Variants in HUWE1 observed in about 807,000 individuals in gnomAD.
HUWE1 encodes HECT, UBA and WWE domain containing E3 ubiquitin protein ligase 1, also known as E3 ubiquitin-protein ligase HUWE1.
A neutral mutation model predicts 299.4 loss-of-function variants in HUWE1; 18 were observed. That is an observed-to-expected ratio of 0.06 (90% CI 0.04 to 0.09). The LOEUF (loss-of-function observed/expected upper bound fraction) is 0.09. HUWE1 is among the 10% of genes least tolerant of loss of function. HUWE1 has a pLI of 1.00. For synonymous variants in HUWE1, 1,317 were observed against 1,286.1 expected (o/e 1.02, Z -0.51); for missense variants, 1,832 against 3,462.3 (o/e 0.53, Z 11.82).
Position 53,658,791 on chromosome X carries a change from T to C in HUWE1, c.-24-4660A>G, listed in dbSNP as rs2068866174. Among the ~76,000 whole-genome samples the C allele has an allele frequency of 1.8e-5, 2 of 112,248 alleles. 1 individual carries two copies. The highest frequency in any genetic ancestry group is 7.2e-4 in the South Asian group (2 of 2,761). On this transcript the variant is annotated intron_variant, in intron 3 of 83. Coordinates refer to ENST00000262854, the MANE Select transcript of HUWE1 (RefSeq NM_031407.7). ...AAAAGAATAAGTGGACAAGCCAGAC[T>C]GACAGAAAATATTTGCAAAAGACAT...
At chrX:53,610,065 G>A (rs2065362824) in intron 23 of HUWE1, among the ~76,000 whole-genome samples, 1 of 111,490 alleles carries the variant, frequency 9.0e-6, no homozygotes, top group Non-Finnish European at 1.9e-5. Flanking sequence ...AGACTGAAAT[G>A]ATTCCATGAG....
At chrX:53,585,443 G>T (rs1277683567) in intron 39 of HUWE1, among the ~76,000 whole-genome samples, 1 of 112,148 alleles carries the variant, frequency 8.9e-6, no homozygotes, top group Non-Finnish European at 1.9e-5. Flanking sequence ...AGTGCTGGGA[G>T]GTGGGGCCTA....
At position 53,557,224 on chromosome X, in the gene HUWE1, C is replaced by T. The variant is rs374809760; in HGVS notation, c.8206+158G>A. Reference sequence around the variant, plus strand: ...AAGACAGTAGACTGTATAGTTATCTCCAAGATGGGGTATGACCCTAAAACT... The same window carrying T: ...AAGACAGTAGACTGTATAGTTATCTTCAAGATGGGGTATGACCCTAAAACT... On this transcript the variant is annotated intron_variant, in intron 60 of 83. Coordinates refer to ENST00000262854, the MANE Select transcript of HUWE1 (RefSeq NM_031407.7). 3 of 571,264 alleles carry T rather than the reference C, an allele frequency of 5.3e-6. No individual in the cohort carries two copies. In the African/African-American group the frequency reaches 6.7e-5, roughly 13 times the overall value. The allele number at this position is 571,264 out of a possible 1,213,427, so 47.1% of individuals were successfully genotyped here.
chrX:53,647,594 G>A lies in HUWE1; in HGVS notation c.145-20C>T, dbSNP rs1557036991. 8.9e-7 allele frequency: 1 copy of A among 1,121,153 alleles called. No individual in the cohort carries two copies. The highest frequency in any genetic ancestry group is 2.2e-5 in the Admixed American group (1 of 45,973). The allele number at this position is 1,121,153 out of a possible 1,213,427, so 92.4% of individuals were successfully genotyped here. A position where few individuals can be genotyped will look rare whatever the true frequency, so the allele number is the denominator to read the frequency against. On this transcript the variant is annotated intron_variant, in intron 5 of 83. Transcript: ENST00000262854. The stretch of plus-strand genomic sequence containing the variant: ...CTCGCACTGGAGAGGGGAGGAAAAA[G>A]AGGATGTAAGAATAAGGTAGAAGCG...
chrX:53,595,264 T>C lies in HUWE1; in HGVS notation c.3303A>G (p.Thr1101=). The C allele has an allele frequency of 8.3e-7, 1 of 1,211,341 alleles. No individual in the cohort carries two copies. Among genetic ancestry groups the C allele is most frequent in the Non-Finnish European group, 1.1e-6 (1 of 895,444 alleles). ...TTAPTPAARS[T]ASALTKLLTK... is the part of the protein sequence containing the mutation. ...TCAAGAGCTTAGTGAGAGCTGAGGC[T>C]GTTGATCGCGCGGCAGGTGTCGGTG... Residue 1101 remains threonine, a synonymous_variant, in exon 30 of 84, where the codon ACA becomes ACG. Coordinates refer to ENST00000262854, the MANE Select transcript of HUWE1 (RefSeq NM_031407.7).
At position 53,545,098 on chromosome X, in the gene HUWE1, G is replaced by A; in HGVS notation, c.10979C>T (p.Thr3660Ile). The part of the protein sequence containing the change: ...LEQQRRAQCE[T>I]LSPDGLPEEQ... ...CTCAGGCAGGCCATCAGGAGAGAGG[G>A]TTTCACATTGGGCTCGCCGCTGCTG... Residue 3660 changes from threonine to isoleucine, a missense_variant, in exon 71 of 84, where the codon ACC becomes ATC. This residue lies in a region of HUWE1 where 48 missense variants were observed against 87.0 expected (regional missense o/e 0.55). Transcript: ENST00000262854. 8.3e-7 allele frequency: 1 copy of A among 1,209,906 alleles called. No homozygotes were observed. Among genetic ancestry groups the A allele is most frequent in the Non-Finnish European group, 1.1e-6 (1 of 894,511 alleles).
chrX:53,532,253 A>AGAGG lies in HUWE1; in HGVS notation c.*1052_*1055dup, dbSNP rs1556906849. 1 of 112,059 alleles carries AGAGG rather than the reference A, an allele frequency of 8.9e-6. No homozygotes were observed. The highest frequency in any genetic ancestry group is 9.5e-5 in the Admixed American group (1 of 10,534). The allele number at this position is 112,059 out of a possible 1,213,427, so 9.2% of individuals were successfully genotyped here. A position where few individuals can be genotyped will look rare whatever the true frequency, so the allele number is the denominator to read the frequency against. The stretch of plus-strand genomic sequence containing the variant: ...AACAGACTGGCAGACAGATGACGAG[A>AGAGG]GAGGGAGTGACGACAACAAAAATAG... On this transcript the variant is annotated 3_prime_UTR_variant, in exon 84 of 84. Transcript: ENST00000262854.
chrX:53,648,012 T>G (rs1225248831), intron 5 of HUWE1, among the ~76,000 whole-genome samples, 200 bp downstream of exon 5: 5 of 112,553 alleles, frequency 4.4e-5, no homozygotes, highest in Admixed American at 9.4e-5. Flanking sequence ...GCATCACCTG[T>G]GAAATCAATT....
In HUWE1 at chrX:53,536,619, C is replaced by A. The variant is rs2061074219; in HGVS notation, c.12186G>T (p.Leu4062=). The change falls in exon 79 of 84, where the codon CTG becomes CTT. Residue 4062 remains leucine (L), a synonymous_variant. Transcript: ENST00000262854. ...GAGAGATGATCATATACCACTCCCG[C>A]AGGAGCCCACCAGCATCCTGCCCTT... The part of the protein sequence containing the change: ...GEEGQDAGGL[L]REWYMIISRE... 8.3e-7 allele frequency: 1 copy of A among 1,207,048 alleles called. No individual in the cohort carries two copies. Among genetic ancestry groups the A allele is most frequent in the African/African-American group, 1.8e-5 (1 of 56,975 alleles).
Position 53,532,760 on chromosome X carries a change from TAA to T in HUWE1, c.*547_*548del, listed in dbSNP as rs1187022639. The T allele has an allele frequency of 9.2e-6, 1 of 109,188 alleles. No homozygotes were observed. The highest frequency in any genetic ancestry group is 1.9e-5 in the Non-Finnish European group (1 of 52,541). The allele number at this position is 109,188 out of a possible 1,213,427, so 9.0% of individuals were successfully genotyped here. A position where few individuals can be genotyped will look rare whatever the true frequency, so the allele number is the denominator to read the frequency against. The stretch of plus-strand genomic sequence containing the variant: ...CTTAAGAGTTTTTTGTTTTTTTTTT[TAA>T]GTTTGAAAAAAACTCCATTGTGAAA... On this transcript the variant is annotated 3_prime_UTR_variant, in exon 84 of 84. Transcript: ENST00000262854.
At chrX:53,584,976 C>A in intron 40 of HUWE1, 36 bp downstream of exon 40, 1 of 1,205,468 alleles carries the variant, frequency 8.3e-7, no homozygotes, top group Non-Finnish European at 1.1e-6. Context: ...GGCCTGTGGT[C>A]CACGGGTTAG....
At chrX:53,540,947 G>A (rs1273082207) in intron 74 of HUWE1, among the ~76,000 whole-genome samples, 1 of 111,316 alleles carries the variant, frequency 9.0e-6, no homozygotes, top group Non-Finnish European at 1.9e-5. Flanking sequence ...TCCTGGCTCC[G>A]GTACTTGCAA....
At chrX:53,534,365 A>G (rs2060908253) in intron 82 of HUWE1, 151 bp downstream of exon 82, 2 of 656,902 alleles carry the variant, frequency 3.0e-6, no homozygotes, top group African/African-American at 2.2e-5. Context: ...GAAGTCTGCT[A>G]TGCTTCAGGA....
chrX:53,655,812 C>A (rs1024151048), intron 3 of HUWE1, among the ~76,000 whole-genome samples: 2 of 112,003 alleles, frequency 1.8e-5, no homozygotes, highest in East Asian at 2.8e-4. Context: ...GATGCTTTCC[C>A]TCTAAGATTA....
At chrX:53,613,346 C>G (rs2065607897) in intron 23 of HUWE1, among the ~76,000 whole-genome samples, 1 of 111,540 alleles carries the variant, frequency 9.0e-6, no homozygotes, top group Non-Finnish European at 1.9e-5. Flanking sequence ...GCCTTTGCTC[C>G]TGTTGTCAAC....
intron 24 of HUWE1, 111 bp from the exon 25 acceptor site, chrX:53,607,810 A>G: frequency 1.9e-6 from 1 of 522,559 alleles, no homozygotes; most frequent in Non-Finnish European, 3.4e-6. Flanking sequence ...TGTTTTCTAT[A>G]GAGTATCAAA....
chrX:53,555,125 A>G (rs945770133), intron 60 of HUWE1, among the ~76,000 whole-genome samples: 5 of 111,553 alleles, frequency 4.5e-5, no homozygotes, highest in African/African-American at 1.6e-4. Context: ...CAAGAATGCA[A>G]GAACTGGAGC....
chrX:53,546,839 G>A lies in HUWE1; in HGVS notation c.10637-14C>T, dbSNP rs1556923415. The A allele has an allele frequency of 8.3e-7, 1 of 1,200,575 alleles. No homozygotes were observed. Among genetic ancestry groups the A allele is most frequent in the East Asian group, 3.0e-5 (1 of 33,541 alleles). On this transcript the variant is annotated splice_polypyrimidine_tract_variant and intron_variant, in intron 68 of 83. Transcript: ENST00000262854. ...TAGTGGGAGAAACTTTGAGGAAACAGACAGAACACTGTAAGCCTCTCTGAA... is the reference window on the plus strand; with the variant it reads ...TAGTGGGAGAAACTTTGAGGAAACAAACAGAACACTGTAAGCCTCTCTGAA...
chrX:53,559,573 A>C, intron 56 of HUWE1, 41 bp from the exon 57 acceptor site: 1 of 1,126,897 alleles, frequency 8.9e-7, no homozygotes, highest in East Asian at 3.0e-5. Flanking sequence ...TGTTAAGTCC[A>C]GAGGTGCCCT....
Sources: gnomAD v4.1 joint callset for allele counts (sites outside exome capture counted in the v4.1 genomes callset) on GRCh38, gnomAD v4.1.1 for gene constraint, gnomAD v4.1.1 regional missense constraint, MANE v1.5 for transcripts, NCBI Gene and HGNC (gene_info 2026-07-23, HGNC 2026-07-21) for gene names.